ZNF710: variants seen among roughly 807,000 people sequenced by gnomAD.
The protein encoded by ZNF710 is zinc finger protein 710.
In ZNF710, 13 loss-of-function variants were observed where a neutral mutation model predicts 50.6. The ratio of observed to expected loss-of-function variants is 0.26; its 90% CI spans 0.17 to 0.41. The LOEUF (loss-of-function observed/expected upper bound fraction) is 0.41, where lower values mean the gene tolerates loss of function less well. Among genes scored for constraint, ZNF710 ranks in the 10% least tolerant of loss-of-function variants. The pLI is 1.00. For missense variants in ZNF710, 721 were observed against 936.6 expected, an observed-to-expected ratio of 0.77 and a Z score of 3.01; for synonymous variants, 383 against 397.0, an observed-to-expected ratio of 0.96 and a Z score of 0.42.
At chr15:90,074,545 T>C (rs147134867) in intron 4 of ZNF710, 46 of 1,424,054 alleles carry the variant, frequency 3.2e-5, no homozygotes, top group East Asian at 2.6e-4. Context: ...TATTGAGTGC[T>C]AACTGTGTGC....
chr15:90,028,677 G>C (rs925902598), intron 1 of ZNF710, among the ~76,000 whole-genome samples: 1 of 152,166 alleles, frequency 6.6e-6, no homozygotes, highest in Non-Finnish European at 1.5e-5. Context: ...TTCTCTGTGC[G>C]TGAATGCATG....
rs1286421543 is a variant in ZNF710 at position 90,067,741 on chromosome 15, C to A, written c.604C>A (p.Pro202Thr). Residue 202 changes from proline to threonine, a missense_variant, in exon 2 of 5, where the codon CCC becomes ACC. Coordinates refer to ENST00000268154, the MANE Select transcript of ZNF710 (RefSeq NM_198526.4). The surrounding 1 kb of genome is among the most constrained non-coding windows in gnomAD (Gnocchi z 8.1). The stretch of plus-strand genomic sequence containing the variant: ...CCCGGCCCGGGATGGCTTCCCCGAG[C>A]CCAGCATGGCGCTGCCTGGGCCAGA... ...PAPARDGFPE[P>T]SMALPGPEAL... 2 of 1,598,044 alleles carry A rather than the reference C, an allele frequency of 1.3e-6. No homozygotes were observed. The highest frequency in any genetic ancestry group is 2.2e-5 in the East Asian group (1 of 44,676).
chr15:90,006,588 A>G (rs1898145981), intron 1 of ZNF710, among the ~76,000 whole-genome samples: 1 of 152,254 alleles, frequency 6.6e-6, no homozygotes, highest in Non-Finnish European at 1.5e-5. Flanking sequence ...GTACAGAGGC[A>G]TAGAAGCCAG....
intron 1 of ZNF710, among the ~76,000 whole-genome samples, chr15:90,050,085 A>G (rs1899591739): frequency 1.3e-5 from 2 of 152,228 alleles, no homozygotes; most frequent in African/African-American, 4.8e-5. Flanking sequence ...TGTGTACGCT[A>G]TCAGCTGATA....
In ZNF710 at chr15:90,079,720, A is replaced by C. The variant is rs1279941131; in HGVS notation, c.1886A>C (p.Glu629Ala). The C allele has an allele frequency of 6.2e-7, 1 of 1,613,812 alleles. No individual in the cohort carries two copies. The highest frequency in any genetic ancestry group is 8.5e-7 in the Non-Finnish European group (1 of 1,179,964). The change falls in exon 5 of 5, where the codon GAG becomes GCG. Residue 629 changes from glutamate (E) to alanine (A), a missense_variant. Transcript: ENST00000268154. Reference protein sequence around the residue: ...PSELDGQQEMEDFEENAYSYA... With the variant: ...PSELDGQQEMADFEENAYSYA... ...GAGCTCGACGGCCAGCAGGAGATGG[A>C]GGACTTCGAGGAGAACGCCTACAGC...
chr15:90,044,574 CAG>C (rs1028223943), intron 1 of ZNF710, among the ~76,000 whole-genome samples: 1 of 152,228 alleles, frequency 6.6e-6, no homozygotes, highest in Non-Finnish European at 1.5e-5. Context: ...TCCCACGCAT[CAG>C]AGGGATTTCA....
In ZNF710 at chr15:90,040,697, G is replaced by A. The variant is rs769980499; in HGVS notation, c.-28-26413G>A. On this transcript the variant is annotated intron_variant, in intron 1 of 4. Coordinates refer to ENST00000268154, the MANE Select transcript of ZNF710 (RefSeq NM_198526.4). The surrounding 1 kb of genome is among the most constrained non-coding windows in gnomAD (Gnocchi z 4.6). ...TTCTAGTGCTAAAGCAGCAGGCCCCGCCCCACCTCGCTCCCCAACTCCAGC... is the reference window on the plus strand; with the variant it reads ...TTCTAGTGCTAAAGCAGCAGGCCCCACCCCACCTCGCTCCCCAACTCCAGC... Among the ~76,000 whole-genome samples, 2 of 152,132 alleles carry A rather than the reference G, an allele frequency of 1.3e-5. No homozygotes were observed. The highest frequency in any genetic ancestry group is 4.1e-4 in the South Asian group (2 of 4,820).
intron 4 of ZNF710, 27 bp from the exon 5 acceptor site, chr15:90,079,633 A>C: frequency 6.2e-7 from 1 of 1,602,430 alleles, no homozygotes; most frequent in Non-Finnish European, 8.5e-7. Context: ...GATGGCAGCC[A>C]GGTCTGACTG....
intron 1 of ZNF710, among the ~76,000 whole-genome samples, chr15:90,048,342 A>T (rs1021007805): frequency 6.6e-6 from 1 of 152,146 alleles, no homozygotes; most frequent in Non-Finnish European, 1.5e-5. Flanking sequence ...TGGCACCCAG[A>T]GCTGGGGGCA....
Position 90,082,115 on chromosome 15 carries a change from G to GC in ZNF710, c.*2289dup, listed in dbSNP as rs1201700934. ...TGTTTAGAGATTCCACTTGTGCAAA[G>GC]CCCTACTGTGTTTTTATGTTCCTGT... On this transcript the variant is annotated 3_prime_UTR_variant, in exon 5 of 5. Coordinates refer to ENST00000268154, the MANE Select transcript of ZNF710 (RefSeq NM_198526.4). The GC allele has an allele frequency of 1.3e-5, 2 of 152,210 alleles. No homozygotes were observed. The highest frequency in any genetic ancestry group is 2.9e-5 in the Non-Finnish European group (2 of 68,028). The allele number at this position is 152,210 out of a possible 1,614,324, so 9.4% of individuals were successfully genotyped here. A position where few individuals can be genotyped will look rare whatever the true frequency, so the allele number is the denominator to read the frequency against.
chr15:90,029,432 A>T (rs759676188), intron 1 of ZNF710, among the ~76,000 whole-genome samples: 1 of 152,176 alleles, frequency 6.6e-6, no homozygotes, highest in East Asian at 1.9e-4. Context: ...ACAAACTCCA[A>T]CTCAAACGGG....
At chr15:90,019,939 G>T (rs928696528) in intron 1 of ZNF710, among the ~76,000 whole-genome samples, 7 of 152,262 alleles carry the variant, frequency 4.6e-5, no homozygotes, top group Non-Finnish European at 1.0e-4. Flanking sequence ...CAGAGACTAG[G>T]TTGGTGCTTA....
At chr15:90,022,477 G>A (rs1033800365) in intron 1 of ZNF710, among the ~76,000 whole-genome samples, 2 of 152,228 alleles carry the variant, frequency 1.3e-5, no homozygotes, top group African/African-American at 4.8e-5. Flanking sequence ...GGGTGAGATG[G>A]TAGAAGATGA....
chr15:90,045,367 G>C, intron 1 of ZNF710: 1 of 985,466 alleles, frequency 1.0e-6, no homozygotes, highest in Non-Finnish European at 1.2e-6. Context: ...GTGAGCCATG[G>C]AGAGGTTAGA....
At chr15:90,041,788 A>G (rs1388464129) in intron 1 of ZNF710, among the ~76,000 whole-genome samples, 6 of 152,224 alleles carry the variant, frequency 3.9e-5, no homozygotes, top group Non-Finnish European at 7.3e-5. Flanking sequence ...TAGGTGCTCA[A>G]CAAATATTTG....
intron 4 of ZNF710, among the ~76,000 whole-genome samples, chr15:90,077,307 G>A (rs928678936): frequency 2.8e-5 from 4 of 142,106 alleles, no homozygotes; most frequent in African/African-American, 5.3e-5. Context: ...GCAGTGGCGC[G>A]ATCTCGGCTC....
At chr15:90,026,296 G>A (rs1898779253) in intron 1 of ZNF710, among the ~76,000 whole-genome samples, 2 of 144,234 alleles carry the variant, frequency 1.4e-5, no homozygotes, top group South Asian at 2.2e-4. Context: ...ATGAGAAAGG[G>A]GACATTGCAA....
upstream of ZNF710, among the ~76,000 whole-genome samples, chr15:90,000,053 C>A (rs1897977051): frequency 6.6e-6 from 1 of 152,108 alleles, no homozygotes; most frequent in African/African-American, 2.4e-5. Flanking sequence ...CCTCACGTTT[C>A]TCCCCCTGGC....
At chr15:90,042,223 C>A (rs1899318072) in intron 1 of ZNF710, among the ~76,000 whole-genome samples, 1 of 151,918 alleles carries the variant, frequency 6.6e-6, no homozygotes, top group Admixed American at 6.6e-5. Context: ...TTTTCCATGC[C>A]CCCCCTTCTC....
Sources: allele counts gnomAD v4.1 joint callset (sites outside exome capture counted in the v4.1 genomes callset), GRCh38; gene constraint gnomAD v4.1.1; non-coding constraint Gnocchi (gnomAD v3.1); transcripts MANE v1.5; gene names NCBI Gene and HGNC (gene_info 2026-07-23, HGNC 2026-07-21).